The following DOCK1 variants were observed in gnomAD, a reference collection of about 807,000 sequenced individuals.
The protein encoded by DOCK1 is dedicator of cytokinesis 1, also known as dedicator of cytokinesis protein 1.
In DOCK1, 138 loss-of-function variants were observed where a neutral mutation model predicts 262.7. The ratio of observed to expected loss-of-function variants is 0.53; its 90% CI spans 0.46 to 0.61. The LOEUF is 0.61. Among genes scored for constraint, DOCK1 ranks in the 20% least tolerant of loss-of-function variants. The pLI, the probability that DOCK1 is intolerant of heterozygous loss-of-function variation, is 0.00. For synonymous variants in DOCK1, 866 were observed against 867.4 expected (o/e 1.00, Z 0.03); for missense variants, 1,908 against 2,370.7 (o/e 0.80, Z 4.05).
At chr10:127,016,923 CCACACA>C (rs57658043) in intron 12 of DOCK1, among the ~76,000 whole-genome samples, 2 of 139,456 alleles carry the variant, frequency 1.4e-5, no homozygotes, top group East Asian at 2.2e-4. Context: ...ACACCACACA[CCACACA>C]CACACACACA....
chr10:126,948,766 G>T (rs979301445), intron 1 of DOCK1, among the ~76,000 whole-genome samples: 4 of 152,146 alleles, frequency 2.6e-5, no homozygotes, highest in African/African-American at 7.2e-5. Flanking sequence ...CCCCTCCCTG[G>T]AATCATTGTG....
rs202190048 is a variant in DOCK1, at chr10:127,362,057, T to C, written c.3284-7T>C. 988 of 1,599,284 alleles carry C rather than the reference T, an allele frequency of 6.2e-4. 9 individuals are homozygous for C. The South Asian group carries it at 8.8e-3, about 14-fold the overall frequency. On this transcript the variant is annotated splice_region_variant and splice_polypyrimidine_tract_variant and intron_variant, in intron 32 of 51. Coordinates refer to ENST00000623213, the MANE Select transcript of DOCK1 (RefSeq NM_001290223.2). ...TATTTCTGAATATTGTACCTCTTTT[T>C]TCCAAGGTCAACACAAGATAAAGTT...
At chr10:126,921,315 G>A (rs1054928798) in intron 1 of DOCK1, among the ~76,000 whole-genome samples, 6 of 152,050 alleles carry the variant, frequency 3.9e-5, no homozygotes, top group African/African-American at 1.4e-4. Context: ...TGGATGAATG[G>A]ATAAACAAAA....
chr10:127,238,696 C>T (rs1388895872), intron 27 of DOCK1, among the ~76,000 whole-genome samples: 1 of 152,172 alleles, frequency 6.6e-6, no homozygotes, highest in African/African-American at 2.4e-5. Context: ...CCCCACACCA[C>T]CTCCTGTGTC....
intron 29 of DOCK1, among the ~76,000 whole-genome samples, chr10:127,306,668 A>G (rs1206962580): frequency 6.6e-6 from 1 of 152,134 alleles, no homozygotes; most frequent in Non-Finnish European, 1.5e-5. Context: ...TGGTGTTAGG[A>G]ATTTATCAGG....
intron 1 of DOCK1, among the ~76,000 whole-genome samples, chr10:126,962,345 A>G (rs948970058): frequency 0.13 from 19,261 of 152,140 alleles, 1,304 homozygotes; most frequent in African/African-American, 0.17. Context: ...TTTTAGTAGA[A>G]ATGGGGTTTC....
Position 127,446,132 on chromosome 10 carries a change from C to A in DOCK1, c.5414-1262C>A, listed in dbSNP as rs1005954191. On this transcript the variant is annotated intron_variant, in intron 50 of 51. Coordinates refer to ENST00000623213, the MANE Select transcript of DOCK1 (RefSeq NM_001290223.2). This position sits in a 1 kb window ranked among gnomAD's most constrained non-coding sequence, Gnocchi z 4.4. ...GGGTGTGGTGGTGCGTGCCTATAAT[C>A]TCAGCTACTCAGAAGGCTGAGGCAG... 6.6e-6 allele frequency among the ~76,000 whole-genome samples: 1 copy of A among 152,108 alleles called. No individual in the cohort carries two copies. Among genetic ancestry groups the A allele is most frequent in the East Asian group, 1.9e-4 (1 of 5,184 alleles).
chr10:127,395,853 C>G (rs1017357885), intron 38 of DOCK1, among the ~76,000 whole-genome samples: 1 of 152,304 alleles, frequency 6.6e-6, no homozygotes, highest in South Asian at 2.1e-4. Context: ...GCTGGGGCAC[C>G]CACTGGCCTA....
intron 25 of DOCK1, among the ~76,000 whole-genome samples, chr10:127,111,257 T>C (rs1008120401): frequency 3.3e-5 from 5 of 152,160 alleles, no homozygotes; most frequent in Admixed American, 3.3e-4. Flanking sequence ...CCTTATAAAA[T>C]GCACCAGAGT....
chr10:127,399,669 C>T (rs1206784790), intron 38 of DOCK1, among the ~76,000 whole-genome samples: 1 of 152,022 alleles, frequency 6.6e-6, no homozygotes, highest in Non-Finnish European at 1.5e-5. Context: ...TAGGCTTTTA[C>T]TCAGGAATGA....
chr10:127,282,503 C>T (rs2060998586), intron 29 of DOCK1, among the ~76,000 whole-genome samples: 2 of 152,188 alleles, frequency 1.3e-5, no homozygotes, highest in African/African-American at 4.8e-5. Flanking sequence ...GGCTTGTTCT[C>T]AGATTCATTG....
chr10:127,078,379 G>A (rs149261275), intron 23 of DOCK1, among the ~76,000 whole-genome samples: 1 of 152,180 alleles, frequency 6.6e-6, no homozygotes, highest in Admixed American at 6.5e-5. Flanking sequence ...TGGGGGTGTG[G>A]GGCAACCTTG....
intron 6 of DOCK1, among the ~76,000 whole-genome samples, chr10:126,994,689 G>A (rs2040040675): frequency 6.6e-6 from 1 of 152,232 alleles, no homozygotes; most frequent in African/African-American, 2.4e-5. Flanking sequence ...TCTTAATACA[G>A]AACAAAATGG....
intron 25 of DOCK1, among the ~76,000 whole-genome samples, chr10:127,119,665 G>A (rs1005984274): frequency 6.6e-6 from 1 of 152,192 alleles, no homozygotes; most frequent in African/African-American, 2.4e-5. Flanking sequence ...TAGGAAAAGT[G>A]TTATTCTGGA....
chr10:127,089,007 C>T (rs1444871010), intron 23 of DOCK1, among the ~76,000 whole-genome samples: 5 of 152,270 alleles, frequency 3.3e-5, no homozygotes, highest in African/African-American at 4.8e-5. Flanking sequence ...ATCCATAGCT[C>T]GGTCACTCCC....
chr10:127,142,032 G>A (rs1056944250), intron 27 of DOCK1, among the ~76,000 whole-genome samples: 2 of 152,228 alleles, frequency 1.3e-5, no homozygotes, highest in Admixed American at 6.5e-5. Context: ...GGGTCTGCTT[G>A]TGAGTGACCA....
At chr10:127,406,675 A>T (rs1266162779) in intron 40 of DOCK1, among the ~76,000 whole-genome samples, 1 of 152,168 alleles carries the variant, frequency 6.6e-6, no homozygotes, top group Non-Finnish European at 1.5e-5. Context: ...TCATGTTGAT[A>T]TTTATAGACC....
chr10:127,168,272 G>A (rs2054260360), intron 27 of DOCK1, among the ~76,000 whole-genome samples: 1 of 152,178 alleles, frequency 6.6e-6, no homozygotes, highest in Non-Finnish European at 1.5e-5. Context: ...AATGTTTTGG[G>A]TTATGATAAA....
chr10:127,236,899 C>T (rs2059088256), intron 27 of DOCK1, among the ~76,000 whole-genome samples: 1 of 152,042 alleles, frequency 6.6e-6, no homozygotes, highest in Admixed American at 6.5e-5. Flanking sequence ...CCGAGTTTTA[C>T]AGATGAGGAA....
Sources: gnomAD v4.1 joint callset for allele counts (sites outside exome capture counted in the v4.1 genomes callset) on GRCh38, gnomAD v4.1.1 for gene constraint, Gnocchi (gnomAD v3.1) non-coding constraint, MANE v1.5 for transcripts, NCBI Gene and HGNC (gene_info 2026-07-23, HGNC 2026-07-21) for gene names.